ST6GALNAC1: variants seen among roughly 807,000 people sequenced by gnomAD.
ST6GALNAC1 encodes the protein ST6 N-acetylgalactosaminide alpha-2,6-sialyltransferase 1, also known as alpha-N-acetylgalactosaminide alpha-2,6-sialyltransferase 1.
Under a neutral mutation model 56.8 loss-of-function variants are expected in ST6GALNAC1, and 45 were observed. That is an observed-to-expected ratio of 0.79 (90% CI 0.62 to 1.02). The LOEUF (loss-of-function observed/expected upper bound fraction) is 1.02. Ranked by LOEUF, ST6GALNAC1 falls within the 50% of genes least tolerant of loss-of-function variation. The pLI is 0.00. For synonymous variants in ST6GALNAC1, 295 were observed against 297.8 expected (o/e 0.99, Z 0.10); for missense variants, 743 against 754.8 (o/e 0.98, Z 0.18).
intron 1 of ST6GALNAC1, among the ~76,000 whole-genome samples, chr17:76,642,194 CTCTA>C (rs1273768434): frequency 2.9e-5 from 4 of 138,992 alleles, no homozygotes; most frequent in Non-Finnish European, 4.6e-5. Context: ...CTGCCTATCT[CTCTA>C]TCTCTCTCTC....
At chr17:76,629,783 G>GT (rs879066241) in intron 1 of ST6GALNAC1, 72 bp from the exon 2 acceptor site, 149,183 of 712,136 alleles carry the variant, frequency 0.21, 2,836 homozygotes, top group Non-Finnish European at 0.22. Context: ...GTAGTTTTTT[G>GT]TTTTTTTTTT....
intron 1 of ST6GALNAC1, among the ~76,000 whole-genome samples, chr17:76,632,946 C>T (rs2075925041): frequency 6.6e-6 from 1 of 152,216 alleles, no homozygotes; most frequent in South Asian, 2.1e-4. Flanking sequence ...TGGCTCATGC[C>T]TATAGAGCCA....
chr17:76,622,198 A>AT (rs1460909838), downstream of ST6GALNAC1, among the ~76,000 whole-genome samples: 2 of 148,754 alleles, frequency 1.3e-5, no homozygotes, highest in African/African-American at 4.9e-5. Context: ...ATATATATAT[A>AT]TTTTTGCCTA....
At chr17:76,626,852 A>G (rs1160662029) in intron 4 of ST6GALNAC1, 63 bp from the exon 5 acceptor site, 1 of 1,593,984 alleles carries the variant, frequency 6.3e-7, no homozygotes, top group Non-Finnish European at 8.6e-7. Flanking sequence ...GTGTAGGTGG[A>G]TGGGGAAAGG....
At chr17:76,620,749 T>A (rs899709704), downstream of ST6GALNAC1, among the ~76,000 whole-genome samples, 15 of 151,636 alleles carry the variant, frequency 9.9e-5, no homozygotes, top group African/African-American at 3.4e-4. Flanking sequence ...CTATTTTTTT[T>A]AATTTTTATT....
rs948707820 is a variant in ST6GALNAC1, at chr17:76,626,874, G to A, written c.1173-85C>T. ...TGGATGGGGAAAGGAAGGAGAAATG[G>A]GGGAGGCAGCAGTTATGTGCGGAAA... On this transcript the variant is annotated intron_variant, in intron 4 of 8. Transcript: ENST00000156626. 10 of 1,562,826 alleles carry A rather than the reference G, an allele frequency of 6.4e-6. No individual in the cohort carries two copies. The African/African-American group carries it at 8.1e-5, about 13-fold the overall frequency.
chr17:76,623,238 TA>T (rs1291913362), downstream of ST6GALNAC1, among the ~76,000 whole-genome samples: 2 of 152,234 alleles, frequency 1.3e-5, no homozygotes, highest in Admixed American at 1.3e-4. Context: ...CCTGCTTCAG[TA>T]CCACACTGTT....
At chr17:76,641,309 A>C (rs914926926) in intron 1 of ST6GALNAC1, among the ~76,000 whole-genome samples, 3 of 152,168 alleles carry the variant, frequency 2.0e-5, no homozygotes, top group Non-Finnish European at 2.9e-5. Flanking sequence ...TAATGATAAT[A>C]AATCCTCCTC....
chr17:76,632,116 CTT>C (rs771529861), intron 1 of ST6GALNAC1, among the ~76,000 whole-genome samples: 4 of 152,224 alleles, frequency 2.6e-5, no homozygotes, highest in South Asian at 2.1e-4. Context: ...ACAAACAGCT[CTT>C]GTTACCCAGC....
chr17:76,636,665 CA>C (rs1303554491), intron 1 of ST6GALNAC1, among the ~76,000 whole-genome samples: 1 of 145,850 alleles, frequency 6.9e-6, no homozygotes, highest in African/African-American at 2.7e-5. Context: ...GGGTAGCCCC[CA>C]CCCAGCCGCC....
chr17:76,625,670 C>T (rs1056604697), intron 8 of ST6GALNAC1, 143 bp from the exon 9 acceptor site: 17 of 1,134,862 alleles, frequency 1.5e-5, no homozygotes, highest in Admixed American at 7.3e-5. Context: ...TGGATACGCA[C>T]GCATAACTGC....
chr17:76,631,669 C>T (rs1382416280), intron 1 of ST6GALNAC1, among the ~76,000 whole-genome samples: 1 of 152,068 alleles, frequency 6.6e-6, no homozygotes, highest in Non-Finnish European at 1.5e-5. Context: ...GGAAGATGGC[C>T]ACCCCATAAC....
chr17:76,642,219 CCTAT>C (rs10693413), intron 1 of ST6GALNAC1, among the ~76,000 whole-genome samples: 25 of 150,182 alleles, frequency 1.7e-4, no homozygotes, highest in Middle Eastern at 3.4e-3. Flanking sequence ...TCTCTATCTG[CCTAT>C]CTATCTATCT....
chr17:76,618,780 C>CAA, the ST6GALNAC1 span, among the ~76,000 whole-genome samples: 1,445 of 137,454 alleles, frequency 0.011, 29 homozygotes, highest in African/African-American at 0.028. Context: ...GACTCCATAT[C>CAA]AAAAAAAAAA....
At chr17:76,631,963 T>C (rs905365250) in intron 1 of ST6GALNAC1, among the ~76,000 whole-genome samples, 34 of 152,138 alleles carry the variant, frequency 2.2e-4, no homozygotes, top group African/African-American at 8.0e-4. Flanking sequence ...TCTTGATCAA[T>C]TCATTCCACA....
At chr17:76,643,389 C>T (rs903518963) in intron 1 of ST6GALNAC1, 119 bp downstream of exon 1, 31 of 1,100,090 alleles carry the variant, frequency 2.8e-5, no homozygotes, top group Non-Finnish European at 3.6e-5. Flanking sequence ...ACTCCTGACC[C>T]CTGACACTCC....
intron 1 of ST6GALNAC1, among the ~76,000 whole-genome samples, chr17:76,630,893 T>C (rs1464533305): frequency 6.9e-6 from 1 of 145,898 alleles, no homozygotes; most frequent in African/African-American, 2.5e-5. Context: ...GCCCAATTTT[T>C]TTTTTTTTTT....
intron 5 of ST6GALNAC1, 94 bp from the exon 6 acceptor site, chr17:76,626,486 T>G (rs1295810448): frequency 2.7e-6 from 4 of 1,504,670 alleles, no homozygotes; most frequent in Non-Finnish European, 3.7e-6. Flanking sequence ...CCACTTGCTC[T>G]GCTCTGGACT....
chr17:76,631,075 G>C (rs968418118), intron 1 of ST6GALNAC1, among the ~76,000 whole-genome samples: 1 of 133,502 alleles, frequency 7.5e-6, no homozygotes, highest in African/African-American at 3.3e-5. Context: ...CTGTGTGTGT[G>C]TGTGTGTGTG....
Sources: allele counts gnomAD v4.1 joint callset (sites outside exome capture counted in the v4.1 genomes callset), GRCh38; gene constraint gnomAD v4.1.1; transcripts MANE v1.5; gene names NCBI Gene and HGNC (gene_info 2026-07-23, HGNC 2026-07-21).